The following KPNA7 variants were observed in gnomAD, a reference collection of about 807,000 sequenced individuals.
The protein encoded by KPNA7 is importin subunit alpha-8.
Under a neutral mutation model 53.7 loss-of-function variants are expected in KPNA7, and 54 were observed. That is an observed-to-expected ratio of 1.01 (90% CI 0.81 to 1.26). KPNA7 has a LOEUF of 1.26. KPNA7 is among the 50% of genes most tolerant of loss of function. The pLI is 0.00. For synonymous variants in KPNA7, 276 were observed against 259.3 expected, an observed-to-expected ratio of 1.06 and a Z score of -0.62; for missense variants, 640 against 644.5, an observed-to-expected ratio of 0.99 and a Z score of 0.07.
At chr7:99,160,603 T>C in the KPNA7 span, among the ~76,000 whole-genome samples, 1 of 152,290 alleles carries the variant, frequency 6.6e-6, no homozygotes, top group East Asian at 1.9e-4. Context: ...ATCCAGTAAA[T>C]TTTAAATTCC....
intron 6 of KPNA7, among the ~76,000 whole-genome samples, chr7:99,189,492 A>C (rs1456223526): frequency 6.6e-6 from 1 of 152,120 alleles, no homozygotes; most frequent in African/African-American, 2.4e-5. Flanking sequence ...CAGTAAGGAA[A>C]CATACCCTGG....
chr7:99,148,895 GT>G, the KPNA7 span, among the ~76,000 whole-genome samples: 36,231 of 111,936 alleles, frequency 0.32, 4,277 homozygotes, highest in African/African-American at 0.47. Flanking sequence ...CCCAAGAACC[GT>G]TTTTTTTTTT....
At chr7:99,158,878 C>A in the KPNA7 span, among the ~76,000 whole-genome samples, 1 of 147,966 alleles carries the variant, frequency 6.8e-6, no homozygotes, top group African/African-American at 2.5e-5. Flanking sequence ...TTTTTTTTTT[C>A]TTTTGAGAGG....
At chr7:99,172,427 T>A (rs75138026), downstream of KPNA7, among the ~76,000 whole-genome samples, 3,513 of 152,258 alleles carry the variant, frequency 0.023, 140 homozygotes, top group African/African-American at 0.081. Context: ...TCAAAAATAA[T>A]ATGTAGGCCA....
chr7:99,195,131 G>C lies in KPNA7; in HGVS notation c.492C>G (p.Leu164=). ...EGGAIQPLIE[L]LSSSNVAVCE... ...ACACAGCCACGTTGGAGGAAGACAG[G>C]AGCTCAATCAAGGGCTGGATGGCTC... Residue 164 remains leucine, a synonymous_variant, in exon 5 of 11, where the codon CTC becomes CTG. Transcript: ENST00000327442. 6.4e-7 allele frequency: 1 copy of C among 1,551,606 alleles called. No homozygotes were observed. The highest frequency in any genetic ancestry group is 1.2e-5 in the South Asian group (1 of 84,054).
chr7:99,174,319 A>G (rs1798828456), intron 10 of KPNA7, among the ~76,000 whole-genome samples: 1 of 152,174 alleles, frequency 6.6e-6, no homozygotes, highest in Non-Finnish European at 1.5e-5. Flanking sequence ...AGTTGCAGGA[A>G]AAGATCTCAG....
chr7:99,216,297 T>G (rs186366352), intron 1 of KPNA7, among the ~76,000 whole-genome samples: 1 of 151,954 alleles, frequency 6.6e-6, no homozygotes, highest in East Asian at 1.9e-4. Flanking sequence ...CCAAAGTGCT[T>G]GGATTACAGA....
In KPNA7 at chr7:99,181,936, G is replaced by C; in HGVS notation, c.1264C>G (p.Pro422Ala). Residue 422 changes from proline (P) to alanine (A), a missense_variant, in exon 9 of 11, where the codon CCA (proline) becomes GCA (alanine). Physicochemically the swap from Pro to Ala is conservative, Grantham distance 27 (BLOSUM62 -1). Transcript: ENST00000327442. ...ATGATGAGAACAATTTTAACATCTG[G>C]GGCAGTGAGCAGATTCACCAGTGGC... is the stretch of plus-strand genomic sequence containing the variant. ...LEPLVNLLTA[P>A]DVKIVLIILD... 1 of 1,551,326 alleles carries C rather than the reference G, an allele frequency of 6.4e-7. No individual in the cohort carries two copies. Among genetic ancestry groups the C allele is most frequent in the Non-Finnish European group, 8.7e-7 (1 of 1,146,708 alleles).
chr7:99,164,408 T>C, the KPNA7 span, among the ~76,000 whole-genome samples: 1 of 151,814 alleles, frequency 6.6e-6, no homozygotes, highest in African/African-American at 2.4e-5. Flanking sequence ...AAACACCTCA[T>C]GTTCTCACTC....
At chr7:99,147,274 A>G in the KPNA7 span, among the ~76,000 whole-genome samples, 2 of 152,222 alleles carry the variant, frequency 1.3e-5, no homozygotes, top group Admixed American at 6.5e-5. Flanking sequence ...ACAATTCTAC[A>G]TAAGAAGAGA....
At chr7:99,160,027 T>G in the KPNA7 span, among the ~76,000 whole-genome samples, 10 of 50,860 alleles carry the variant, frequency 2.0e-4, no homozygotes, top group African/African-American at 3.6e-4. Context: ...GTTTTTTTTT[T>G]TTTTTTTTTT....
chr7:99,168,211 C>A, the KPNA7 span, among the ~76,000 whole-genome samples: 1 of 152,194 alleles, frequency 6.6e-6, no homozygotes, highest in Non-Finnish European at 1.5e-5. Flanking sequence ...TCTGCTTTAG[C>A]ATTTGCCTCT....
At chr7:99,207,805 T>G (rs999523791) in intron 1 of KPNA7, among the ~76,000 whole-genome samples, 1 of 151,332 alleles carries the variant, frequency 6.6e-6, no homozygotes, top group African/African-American at 2.4e-5. Context: ...CCGGCTAATT[T>G]TTGTCTTTTT....
intron 2 of KPNA7, 57 bp downstream of exon 2, chr7:99,207,344 C>T (rs12705041): frequency 0.063 from 94,017 of 1,481,046 alleles, 3,472 homozygotes; most frequent in South Asian, 0.13. Flanking sequence ...CTTCACCCCG[C>T]TTTTTATGCA....
chr7:99,173,037 G>A (rs1192204388), downstream of KPNA7, among the ~76,000 whole-genome samples: 1 of 141,376 alleles, frequency 7.1e-6, no homozygotes. Context: ...ACTCCAGCCT[G>A]GGTGACAAGA....
intron 3 of KPNA7, among the ~76,000 whole-genome samples, chr7:99,197,192 G>A (rs1371810721): frequency 6.6e-6 from 1 of 152,160 alleles, no homozygotes; most frequent in Non-Finnish European, 1.5e-5. Context: ...GGCAAAAATT[G>A]AGTGTTCTTT....
At chr7:99,152,852 TTTAA>T in the KPNA7 span, among the ~76,000 whole-genome samples, 2 of 152,200 alleles carry the variant, frequency 1.3e-5, no homozygotes, top group African/African-American at 4.8e-5. Context: ...CGTGCCTCTC[TTTAA>T]TAAGTGAGAG....
the KPNA7 span, among the ~76,000 whole-genome samples, chr7:99,164,633 A>T: frequency 2.4e-3 from 3 of 1,272 alleles, no homozygotes; most frequent in African/African-American, 3.9e-3. Flanking sequence ...TAAAGAATTT[A>T]AAAAAAAAAA....
intron 10 of KPNA7, among the ~76,000 whole-genome samples, chr7:99,176,023 C>T (rs1035514816): frequency 1.3e-5 from 2 of 152,068 alleles, no homozygotes; most frequent in South Asian, 4.2e-4. Context: ...TTCTGCTGGG[C>T]GTGGTGGCTC....
Sources: gnomAD v4.1 joint callset for allele counts (sites outside exome capture counted in the v4.1 genomes callset) on GRCh38, gnomAD v4.1.1 for gene constraint, MANE v1.5 for transcripts, NCBI Gene and HGNC (gene_info 2026-07-23, HGNC 2026-07-21) for gene names.